The following PDXK variants were observed in gnomAD, a reference collection of about 807,000 sequenced individuals.
The protein encoded by PDXK is epididymis secretory sperm binding protein Li 1a.
PDXK carries 15 observed loss-of-function variants against 43.2 expected under a neutral mutation model. That is an observed-to-expected ratio of 0.35 (90% CI 0.23 to 0.53). PDXK has a LOEUF of 0.53. Among genes scored for constraint, PDXK ranks in the 20% least tolerant of loss-of-function variants. The pLI, the probability that PDXK is intolerant of heterozygous loss-of-function variation, is 0.92. For synonymous variants in PDXK, 172 were observed against 165.4 expected (o/e 1.04, Z -0.31); for missense variants, 343 against 417.0 (o/e 0.82, Z 1.54).
chr21:43,739,442 G>A (rs2083456921), intron 2 of PDXK, among the ~76,000 whole-genome samples: 2 of 152,260 alleles, frequency 1.3e-5, no homozygotes, highest in South Asian at 4.1e-4. Flanking sequence ...CCTGAGACTG[G>A]GTCATTTGTA....
At chr21:43,755,515 T>A in intron 9 of PDXK, 183 bp from the exon 10 acceptor site, 1 of 617,722 alleles carries the variant, frequency 1.6e-6, no homozygotes, top group Non-Finnish European at 2.9e-6. Flanking sequence ...CTCCGGGCTC[T>A]CCGTGGTGGG....
At chr21:43,719,529 G>C in intron 1 of PDXK, 148 bp downstream of exon 1, 3 of 1,338,438 alleles carry the variant, frequency 2.2e-6, no homozygotes, top group Non-Finnish European at 2.9e-6. Flanking sequence ...CGCGGGATGA[G>C]CCTCCCGCTC....
intron 7 of PDXK, among the ~76,000 whole-genome samples, chr21:43,751,906 C>T (rs545364062): frequency 3.3e-4 from 50 of 152,238 alleles, no homozygotes; most frequent in Non-Finnish European, 6.8e-4. Context: ...CGTTCCCAAG[C>T]AGCCTGGCGC....
At chr21:43,753,836 C>G (rs1366552950) in intron 9 of PDXK, 117 bp downstream of exon 9, 1 of 1,225,544 alleles carries the variant, frequency 8.2e-7, no homozygotes, top group Non-Finnish European at 1.1e-6. Context: ...GCCCTGAGTG[C>G]TGGCCCCAGT....
rs1273231214 is a variant in PDXK, at chr21:43,761,180, C to T, written c.*5117C>T. ...AGAGATGTCCCCTTCCATCTCTGAC[C>T]CTTGCCTGGGACAAGCTTTGATGGG... On this transcript the variant is annotated 3_prime_UTR_variant, in exon 11 of 11. Transcript: ENST00000291565. The T allele has an allele frequency of 1.3e-5, 2 of 152,180 alleles. No individual in the cohort carries two copies. Among genetic ancestry groups the T allele is most frequent in the African/African-American group, 4.8e-5 (2 of 41,428 alleles). 9.4% of individuals were successfully genotyped at this position (152,180 alleles called of 1,614,324 possible).
At position 43,719,661 on chromosome 21, in the gene PDXK, C is replaced by T. The variant is rs2299801; in HGVS notation, c.87+280C>T. 1.7e-4 allele frequency: 169 copies of T among 985,436 alleles called. No homozygotes were observed. In the East Asian group the frequency reaches 0.018, roughly 104 times the overall value. 61.0% of individuals were successfully genotyped at this position (985,436 alleles called of 1,614,324 possible). On this transcript the variant is annotated intron_variant, in intron 1 of 10. Coordinates refer to ENST00000291565, the MANE Select transcript of PDXK (RefSeq NM_003681.5). ...CCCTGTGCACCAGCTATGGCGCAGC[C>T]GCTCGTCCTCGCCCCTTCCCGCCGA...
At chr21:43,748,955 C>T (rs369480555) in intron 5 of PDXK, 40 bp from the exon 6 acceptor site, 83 of 1,304,398 alleles carry the variant, frequency 6.4e-5, no homozygotes, top group Middle Eastern at 1.8e-4. Context: ...GCTTCCCTCA[C>T]GGTGACTCAG....
chr21:43,738,756 C>T (rs966896452), intron 2 of PDXK: 5 of 152,650 alleles, frequency 3.3e-5, no homozygotes, highest in African/African-American at 1.2e-4. Context: ...ACCGCTATTG[C>T]TGTAGATTAC....
chr21:43,719,444 C>T (rs917635235), intron 1 of PDXK, 63 bp downstream of exon 1: 4 of 1,441,900 alleles, frequency 2.8e-6, no homozygotes, highest in Non-Finnish European at 2.8e-6. Context: ...CGGGGCTGCC[C>T]GAGACGAGCC....
chr21:43,755,966 G>A lies in PDXK; in HGVS notation c.842G>A (p.Gly281Glu), dbSNP rs200875807. The A allele has an allele frequency of 8.2e-5, 132 of 1,611,244 alleles. No individual in the cohort carries two copies. The highest frequency in any genetic ancestry group is 5.0e-4 in the Middle Eastern group (3 of 5,954). Residue 281 changes from glycine to glutamate, a missense_variant, in exon 11 of 11, where the codon GGA becomes GAA. Gly to Glu is a moderately conservative substitution (Grantham distance 98). Coordinates refer to ENST00000291565, the MANE Select transcript of PDXK (RefSeq NM_003681.5). ...IQCAKAQAGE[G>E]VRPSPMQLEL... The stretch of plus-strand genomic sequence containing the variant: ...TGCCCCGCAGCCCAGGCCGGGGAAG[G>A]AGTGAGGCCCAGCCCCATGCAGCTG...
intron 2 of PDXK, among the ~76,000 whole-genome samples, chr21:43,740,799 G>C (rs2083485995): frequency 6.6e-6 from 1 of 151,766 alleles, no homozygotes; most frequent in African/African-American, 2.4e-5. Context: ...CTCAGGAGTT[G>C]ATCTAAGACA....
chr21:43,734,039 AC>A lies in PDXK; in HGVS notation c.88-29del, dbSNP rs760370123. 2 of 1,612,194 alleles carry A rather than the reference AC, an allele frequency of 1.2e-6. No homozygotes were observed. The highest frequency in any genetic ancestry group is 1.7e-6 in the Non-Finnish European group (2 of 1,178,350). On this transcript the variant is annotated intron_variant, in intron 1 of 10. Transcript: ENST00000291565. The surrounding 1 kb of genome is among the most constrained non-coding windows in gnomAD (Gnocchi z 5.0). ...GTGGGACCCCAGACCTGGCTCTCTT[AC>A]GCCTACCTGTTCCTTCTCTGTCTTG...
At position 43,737,882 on chromosome 21, in the gene PDXK, T is replaced by TC. The variant is rs1273241206; in HGVS notation, c.142+3763dup. The TC allele has an allele frequency of 1.3e-5, 13 of 985,424 alleles. No individual in the cohort carries two copies. The highest frequency in any genetic ancestry group is 1.4e-5 in the Non-Finnish European group (12 of 829,914). The allele number at this position is 985,424 out of a possible 1,614,324, so 61.0% of individuals were successfully genotyped here. On this transcript the variant is annotated intron_variant, in intron 2 of 10. Transcript: ENST00000291565. The surrounding 1 kb of genome is among the most constrained non-coding windows in gnomAD (Gnocchi z 4.8). ...AGTTGGACACAAGATCCAAGCGCCC[T>TC]CCCCTGTTGGAGAAGGTTCTTGTGG...
At chr21:43,753,547 C>T (rs1225263859) in intron 8 of PDXK, 36 bp from the exon 9 acceptor site, 1 of 1,587,354 alleles carries the variant, frequency 6.3e-7, no homozygotes, top group Non-Finnish European at 8.6e-7. Flanking sequence ...AGAGGAGCGG[C>T]AGATCTCAGT....
intron 1 of PDXK, among the ~76,000 whole-genome samples, chr21:43,720,285 C>T (rs1050965415): frequency 4.6e-5 from 7 of 152,178 alleles, no homozygotes; most frequent in African/African-American, 1.4e-4. Flanking sequence ...CACCTGCGGC[C>T]TGGTCACTGG....
In PDXK at chr21:43,734,860, G is replaced by A. The variant is rs749742350; in HGVS notation, c.142+737G>A. On this transcript the variant is annotated intron_variant, in intron 2 of 10. Coordinates refer to ENST00000291565, the MANE Select transcript of PDXK (RefSeq NM_003681.5). The surrounding 1 kb of genome is among the most constrained non-coding windows in gnomAD (Gnocchi z 5.0). Reference sequence around the variant, plus strand: ...GTTCTGTTCTTTGAAACCCCACCTCGCTTCCCCTGAAATTTCTCTGAACCC... The same window carrying A: ...GTTCTGTTCTTTGAAACCCCACCTCACTTCCCCTGAAATTTCTCTGAACCC... Among the ~76,000 whole-genome samples the A allele has an allele frequency of 1.3e-5, 2 of 152,168 alleles. No homozygotes were observed. Among genetic ancestry groups the A allele is most frequent in the Non-Finnish European group, 2.9e-5 (2 of 68,036 alleles).
chr21:43,732,108 C>G lies in PDXK; in HGVS notation c.88-1961C>G. On this transcript the variant is annotated intron_variant, in intron 1 of 10. Coordinates refer to ENST00000291565, the MANE Select transcript of PDXK (RefSeq NM_003681.5). The surrounding 1 kb of genome is among the most constrained non-coding windows in gnomAD (Gnocchi z 4.1). ...GAGAAGAGCCCCGGGGGAAGAAGAG[C>G]ACTGCTGACAGAAGCCCATTCTCTT... 1 of 1,274,824 alleles carries G rather than the reference C, an allele frequency of 7.8e-7. No homozygotes were observed. The highest frequency in any genetic ancestry group is 2.0e-5 in the South Asian group (1 of 50,302). 79.0% of individuals were successfully genotyped at this position (1,274,824 alleles called of 1,614,324 possible).
At chr21:43,730,520 C>G (rs2083304528) in intron 1 of PDXK, among the ~76,000 whole-genome samples, 1 of 152,204 alleles carries the variant, frequency 6.6e-6, no homozygotes, top group African/African-American at 2.4e-5. Context: ...CAGGAAAGAG[C>G]TGTGCAGCAG....
intron 1 of PDXK, among the ~76,000 whole-genome samples, chr21:43,725,547 C>T (rs1397823177): frequency 6.6e-6 from 1 of 152,086 alleles, no homozygotes; most frequent in East Asian, 1.9e-4. Context: ...CGGTGGCTCA[C>T]GCCTATAATC....
Sources: gnomAD v4.1 joint callset for allele counts (sites outside exome capture counted in the v4.1 genomes callset) on GRCh38, gnomAD v4.1.1 for gene constraint, Gnocchi (gnomAD v3.1) non-coding constraint, MANE v1.5 for transcripts, NCBI Gene and HGNC (gene_info 2026-07-23, HGNC 2026-07-21) for gene names.